The following FBXL18 variants were observed in gnomAD, a reference collection of about 807,000 sequenced individuals.
The protein encoded by FBXL18 is F-box and leucine rich repeat protein 18, also known as F-box/LRR-repeat protein 18.
FBXL18 carries 36 observed loss-of-function variants against 46.0 expected under a neutral mutation model. The ratio of observed to expected loss-of-function variants is 0.78; its 90% CI spans 0.60 to 1.03. FBXL18 has a LOEUF of 1.03. Among genes scored for constraint, FBXL18 ranks in the 50% least tolerant of loss-of-function variants. FBXL18 has a pLI of 0.00. For missense variants in FBXL18, 977 were observed against 1,004.1 expected, an observed-to-expected ratio of 0.97 and a Z score of 0.36; for synonymous variants, 557 against 465.3, an observed-to-expected ratio of 1.20 and a Z score of -2.54.
chr7:5,470,710 TGTCCCCTTCCCGGG>T (rs1783414929), intron 4 of FBXL18, among the ~76,000 whole-genome samples: 1 of 1,328 alleles, frequency 7.5e-4, no homozygotes, highest in South Asian at 0.031. Flanking sequence ...GGGGGGGAGA[TGTCCCCTTCCCGGG>T]GGGGAGATGT....
At chr7:5,493,425 A>G (rs1244255086) in intron 3 of FBXL18, among the ~76,000 whole-genome samples, 1 of 150,200 alleles carries the variant, frequency 6.7e-6, no homozygotes, top group African/African-American at 2.5e-5. Flanking sequence ...CCTCCCGAGT[A>G]GCTGGGACTA....
At chr7:5,483,417 G>A (rs1163792769) in intron 4 of FBXL18, among the ~76,000 whole-genome samples, 1 of 150,384 alleles carries the variant, frequency 6.6e-6, no homozygotes, top group East Asian at 1.9e-4. Flanking sequence ...CTCCAGCCTG[G>A]GCAACAGAGC....
At position 5,501,826 on chromosome 7, in the gene FBXL18, G is replaced by A. The variant is rs768588777; in HGVS notation, c.443C>T (p.Ser148Leu). ...KMLSALQHLRSLAIDVSPGFD... is the reference protein window; with the variant it reads ...KMLSALQHLRLLAIDVSPGFD... ...GCCGGGGCTCACGTCGATGGCCAGC[G>A]AGCGCAGGTGCTGCAGGGCCGAGAG... The change falls in exon 3 of 5, where the codon TCG becomes TTG. Residue 148 changes from serine (S) to leucine (L), a missense_variant. By Grantham distance (145) the Ser-to-Leu change is moderately radical. Transcript: ENST00000382368. 5.0e-6 allele frequency: 8 copies of A among 1,589,068 alleles called. No homozygotes were observed. The highest frequency in any genetic ancestry group is 6.0e-6 in the Non-Finnish European group (7 of 1,169,168).
intron 4 of FBXL18, among the ~76,000 whole-genome samples, chr7:5,461,072 T>C (rs1783236870): frequency 6.6e-6 from 1 of 152,228 alleles, no homozygotes; most frequent in Non-Finnish European, 1.5e-5. Flanking sequence ...GCCTTTCTCC[T>C]GGTGTCCTGG....
chr7:5,491,478 C>G (rs1240926847), intron 3 of FBXL18, 29 bp from the exon 4 acceptor site: 4 of 1,531,556 alleles, frequency 2.6e-6, no homozygotes, highest in Non-Finnish European at 3.5e-6. Context: ...GCTGTGAGGT[C>G]CGAGGGAGGG....
intron 4 of FBXL18, among the ~76,000 whole-genome samples, chr7:5,457,824 G>A (rs78534396): frequency 0.015 from 2,219 of 152,298 alleles, 21 homozygotes; most frequent in Non-Finnish European, 0.022. Flanking sequence ...ACGTTATGGC[G>A]GAAGGCCATC....
intron 4 of FBXL18, among the ~76,000 whole-genome samples, chr7:5,486,320 G>A (rs1783776011): frequency 6.7e-6 from 1 of 149,852 alleles, no homozygotes; most frequent in East Asian, 2.0e-4. Context: ...TCCAGAGGCA[G>A]AGGCAGGAGA....
intron 4 of FBXL18, among the ~76,000 whole-genome samples, chr7:5,460,327 A>C (rs895194362): frequency 6.6e-6 from 1 of 152,208 alleles, no homozygotes; most frequent in Non-Finnish European, 1.5e-5. Flanking sequence ...GACATTGTGA[A>C]ATTTAATATA....
At chr7:5,488,602 G>A (rs1400328269) in intron 4 of FBXL18, among the ~76,000 whole-genome samples, 4 of 152,194 alleles carry the variant, frequency 2.6e-5, no homozygotes, top group Admixed American at 2.0e-4. Context: ...GAGAGGCAAC[G>A]CCCACTCCCA....
Position 5,484,343 on chromosome 7 carries a change from C to T in FBXL18, c.2001-2412G>A, listed in dbSNP as rs892575013. On this transcript the variant is annotated intron_variant, in intron 4 of 4. Transcript: ENST00000382368. ...AAAATTAGCCGGGCGTGGTGGTGGGCGCCTGTAGTCCCAGCTATTCGGAAG... is the reference window on the plus strand; with the variant it reads ...AAAATTAGCCGGGCGTGGTGGTGGGTGCCTGTAGTCCCAGCTATTCGGAAG... Among the ~76,000 whole-genome samples the T allele has an allele frequency of 7.9e-5, 12 of 151,948 alleles. No homozygotes were observed. The East Asian group carries it at 1.4e-3, about 17-fold the overall frequency.
intron 4 of FBXL18, among the ~76,000 whole-genome samples, chr7:5,470,453 C>T (rs930885646): frequency 5.9e-5 from 9 of 152,132 alleles, no homozygotes; most frequent in Admixed American, 5.2e-4. Context: ...CCCGCGGGAG[C>T]CTGAGCTGCC....
chr7:5,495,293 G>T (rs7808849), intron 3 of FBXL18, among the ~76,000 whole-genome samples: 35,803 of 152,050 alleles, frequency 0.24, 4,722 homozygotes, highest in Middle Eastern at 0.3. Context: ...CAGCACCCAG[G>T]CCTCCGAGGT....
chr7:5,500,691 G>A lies in FBXL18; in HGVS notation c.1578C>T (p.Ala526=), dbSNP rs545072451. 1.4e-3 allele frequency: 2,188 copies of A among 1,610,794 alleles called. 49 individuals are homozygous for A. The South Asian group carries it at 0.023, about 17-fold the overall frequency. ...GCCGCAGGAAGGCCAGCTGGCCGAT[G>A]GCGGCCACCTCCGAGTCCCCGACAC... is the stretch of plus-strand genomic sequence containing the variant. The part of the protein sequence containing the change: ...AQSVGDSEVA[A]IGQLAFLRHL... The change falls in exon 3 of 5, where the codon GCC becomes GCT. Residue 526 remains alanine (A), a synonymous_variant. Coordinates refer to ENST00000382368, the MANE Select transcript of FBXL18 (RefSeq NM_024963.6).
At chr7:5,511,080 A>G (rs536725873) in intron 1 of FBXL18, among the ~76,000 whole-genome samples, 2 of 152,332 alleles carry the variant, frequency 1.3e-5, no homozygotes, top group African/African-American at 4.8e-5. Context: ...GCTGGTCTCA[A>G]ACTCCTGAGC....
At chr7:5,470,461 G>T (rs1783409231) in intron 4 of FBXL18, among the ~76,000 whole-genome samples, 1 of 152,160 alleles carries the variant, frequency 6.6e-6, no homozygotes. Flanking sequence ...AGCCTGAGCT[G>T]CCACGAAACC....
chr7:5,477,799 G>T lies in FBXL18; in HGVS notation c.*3976C>A, dbSNP rs1403354434. On this transcript the variant is annotated 3_prime_UTR_variant, in exon 5 of 5. Coordinates refer to ENST00000382368, the MANE Select transcript of FBXL18 (RefSeq NM_024963.6). This position sits in a 1 kb window ranked among gnomAD's most constrained non-coding sequence, Gnocchi z 4.4. ...GGAGGCTGCCACAGCGCTGCCTGCTGGGGGATCAAGGTCCCCGCATCCAGG... is the reference window on the plus strand; with the variant it reads ...GGAGGCTGCCACAGCGCTGCCTGCTTGGGGATCAAGGTCCCCGCATCCAGG... 2 of 152,198 alleles carry T rather than the reference G, an allele frequency of 1.3e-5. No individual in the cohort carries two copies. The highest frequency in any genetic ancestry group is 4.8e-5 in the African/African-American group (2 of 41,412). 9.4% of individuals were successfully genotyped at this position (152,198 alleles called of 1,614,324 possible). A position where few individuals can be genotyped will look rare whatever the true frequency, so the allele number is the denominator to read the frequency against.
intron 4 of FBXL18, among the ~76,000 whole-genome samples, chr7:5,458,030 C>A (rs928788273): frequency 1.3e-5 from 2 of 152,056 alleles, no homozygotes; most frequent in Non-Finnish European, 2.9e-5. Flanking sequence ...CGGATTCAAG[C>A]CTTATCTTTC....
chr7:5,490,351 G>A (rs1015921732), intron 4 of FBXL18: 3 of 987,668 alleles, frequency 3.0e-6, no homozygotes, highest in South Asian at 2.5e-5. Context: ...TCCCCACATC[G>A]CCTACCAAGC....
intron 2 of FBXL18, among the ~76,000 whole-genome samples, chr7:5,502,525 A>C (rs1784292939): frequency 6.9e-6 from 1 of 145,908 alleles, no homozygotes; most frequent in African/African-American, 2.6e-5. Flanking sequence ...ACAGAAAGAG[A>C]CTCTGTCTCA....
Sources: allele counts gnomAD v4.1 joint callset (sites outside exome capture counted in the v4.1 genomes callset), GRCh38; gene constraint gnomAD v4.1.1; non-coding constraint Gnocchi (gnomAD v3.1); transcripts MANE v1.5; gene names NCBI Gene and HGNC (gene_info 2026-07-23, HGNC 2026-07-21).